Variants in NXPE2 observed in about 807,000 individuals in gnomAD.
The protein encoded by NXPE2 is neurexophilin and PC-esterase domain family member 2.
A neutral mutation model predicts 34.4 loss-of-function variants in NXPE2; 34 were observed. That is an observed-to-expected ratio of 0.99 (90% CI 0.75 to 1.31). The LOEUF is 1.31. Among genes scored for constraint, NXPE2 ranks in the 40% most tolerant of loss-of-function variants. The pLI is 0.00. For synonymous variants in NXPE2, 235 were observed against 231.3 expected (o/e 1.02, Z -0.15); for missense variants, 649 against 672.5 (o/e 0.97, Z 0.39).
the NXPE2 span, among the ~76,000 whole-genome samples, chr11:114,766,753 C>G: frequency 2.0e-5 from 3 of 152,134 alleles, no homozygotes; most frequent in African/African-American, 7.2e-5. Flanking sequence ...TGACTAGAGT[C>G]AGTCTCAAAC....
chr11:114,667,542 G>A, the NXPE2 span, among the ~76,000 whole-genome samples: 1 of 152,080 alleles, frequency 6.6e-6, no homozygotes, highest in African/African-American at 2.4e-5. Flanking sequence ...AATATAATTT[G>A]GTGGAAGTCA....
the NXPE2 span, among the ~76,000 whole-genome samples, chr11:114,612,255 G>T: frequency 6.6e-6 from 1 of 151,864 alleles, no homozygotes; most frequent in African/African-American, 2.4e-5. Context: ...TGGAGAATAA[G>T]TGTTGCCTCT....
the NXPE2 span, among the ~76,000 whole-genome samples, chr11:114,535,107 A>G: frequency 6.6e-6 from 1 of 152,252 alleles, no homozygotes; most frequent in Admixed American, 6.5e-5. Context: ...ACGAGCCAGA[A>G]GAGAGTGGGG....
the NXPE2 span, among the ~76,000 whole-genome samples, chr11:114,666,455 C>T: frequency 1.3e-5 from 2 of 152,020 alleles, no homozygotes; most frequent in Non-Finnish European, 2.9e-5. Context: ...AAGTATAAAA[C>T]GTGTATCCTC....
chr11:114,639,487 A>C, the NXPE2 span, among the ~76,000 whole-genome samples: 1 of 151,284 alleles, frequency 6.6e-6, no homozygotes, highest in Admixed American at 6.6e-5. Flanking sequence ...TCCTGTGCCC[A>C]CTGTCTGGCA....
the NXPE2 span, among the ~76,000 whole-genome samples, chr11:114,764,397 G>A: frequency 6.7e-6 from 1 of 149,882 alleles, no homozygotes; most frequent in African/African-American, 2.5e-5. Flanking sequence ...TTGACATGAT[G>A]TCTGTTACTT....
At chr11:114,489,514 C>T in the NXPE2 span, among the ~76,000 whole-genome samples, 1 of 152,212 alleles carries the variant, frequency 6.6e-6, no homozygotes, top group Non-Finnish European at 1.5e-5. Flanking sequence ...CCACCATGAT[C>T]AAGTGGGCTT....
intron 2 of NXPE2, among the ~76,000 whole-genome samples, chr11:114,690,372 A>G (rs1951128226): frequency 6.6e-6 from 1 of 152,170 alleles, no homozygotes; most frequent in Non-Finnish European, 1.5e-5. Flanking sequence ...TTGGTGAGAT[A>G]TGAAATTCTT....
the NXPE2 span, among the ~76,000 whole-genome samples, chr11:114,773,151 G>A: frequency 3.3e-5 from 5 of 152,028 alleles, no homozygotes; most frequent in African/African-American, 1.2e-4. Flanking sequence ...AGGGAAGCAT[G>A]CTCCTACCAA....
the NXPE2 span, among the ~76,000 whole-genome samples, chr11:114,746,661 C>A: frequency 1.3e-5 from 2 of 152,048 alleles, no homozygotes; most frequent in Admixed American, 6.5e-5. Flanking sequence ...ACCATCCTGG[C>A]TAACACGGTG....
the NXPE2 span, among the ~76,000 whole-genome samples, chr11:114,472,096 T>C: frequency 1.3e-5 from 2 of 152,230 alleles, no homozygotes; most frequent in Non-Finnish European, 2.9e-5. Context: ...ACATTTGGCC[T>C]CTAGCCCCAT....
At chr11:114,613,718 A>G in the NXPE2 span, among the ~76,000 whole-genome samples, 1 of 151,828 alleles carries the variant, frequency 6.6e-6, no homozygotes, top group Non-Finnish European at 1.5e-5. Flanking sequence ...CCAGCAGGTA[A>G]TAAGTGTTGT....
At chr11:114,786,264 A>C in the NXPE2 span, among the ~76,000 whole-genome samples, 1 of 152,152 alleles carries the variant, frequency 6.6e-6, no homozygotes, top group African/African-American at 2.4e-5. Context: ...TGCGTTTTCA[A>C]ATCTCTCATT....
At chr11:114,641,452 G>T in the NXPE2 span, among the ~76,000 whole-genome samples, 2 of 151,944 alleles carry the variant, frequency 1.3e-5, no homozygotes, top group Non-Finnish European at 2.9e-5. Context: ...CAAAATATTT[G>T]ACAATGAATA....
At chr11:114,677,588 C>T (rs1950872837), upstream of NXPE2, among the ~76,000 whole-genome samples, 1 of 151,984 alleles carries the variant, frequency 6.6e-6, no homozygotes, top group Admixed American at 6.6e-5. Flanking sequence ...AATCTCTGTG[C>T]CAATCTCCAA....
the NXPE2 span, chr11:114,583,247 A>G: frequency 1.5e-6 from 1 of 679,436 alleles, no homozygotes; most frequent in South Asian, 1.7e-5. Flanking sequence ...ACAGGAAGTG[A>G]GCAAGATGGC....
the NXPE2 span, among the ~76,000 whole-genome samples, chr11:114,620,123 T>A: frequency 6.6e-6 from 1 of 152,092 alleles, no homozygotes; most frequent in African/African-American, 2.4e-5. Flanking sequence ...ATAATACGTA[T>A]TTCCTCGTGG....
the NXPE2 span, among the ~76,000 whole-genome samples, chr11:114,716,971 A>G: frequency 1.3e-5 from 2 of 152,236 alleles, no homozygotes; most frequent in African/African-American, 4.8e-5. Flanking sequence ...TCCAGCCTGC[A>G]GCCTGTGAGC....
chr11:114,792,747 A>G, the NXPE2 span, among the ~76,000 whole-genome samples: 1 of 152,172 alleles, frequency 6.6e-6, no homozygotes, highest in East Asian at 1.9e-4. Context: ...AAATCCTCTT[A>G]TATCAATTAT....
Sources: gnomAD v4.1 joint callset for allele counts (sites outside exome capture counted in the v4.1 genomes callset) on GRCh38, gnomAD v4.1.1 for gene constraint, MANE v1.5 for transcripts, NCBI Gene and HGNC (gene_info 2026-07-23, HGNC 2026-07-21) for gene names.